SLC30A8: variants seen among roughly 807,000 people sequenced by gnomAD.
The protein encoded by SLC30A8 is solute carrier family 30 member 8.
A neutral mutation model predicts 36.9 loss-of-function variants in SLC30A8; 27 were observed. The ratio of observed to expected loss-of-function variants is 0.73; its 90% CI spans 0.54 to 1.01. SLC30A8 has a LOEUF of 1.01. Ranked by LOEUF, SLC30A8 falls within the 50% of genes least tolerant of loss-of-function variation. The pLI is 0.00. For synonymous variants in SLC30A8, 164 were observed against 172.4 expected, an observed-to-expected ratio of 0.95 and a Z score of 0.38; for missense variants, 439 against 452.0, an observed-to-expected ratio of 0.97 and a Z score of 0.26.
At chr8:117,108,147 A>C (rs543810942) in intron 2 of SLC30A8, among the ~76,000 whole-genome samples, 1 of 152,294 alleles carries the variant, frequency 6.6e-6, no homozygotes, top group East Asian at 1.9e-4. Flanking sequence ...AAAACATGTA[A>C]GATAATTATC....
At chr8:117,067,422 A>G (rs535379360) in intron 2 of SLC30A8, among the ~76,000 whole-genome samples, 2 of 151,822 alleles carry the variant, frequency 1.3e-5, no homozygotes, top group Middle Eastern at 3.2e-3. Flanking sequence ...TTTTGTTTCA[A>G]TCTCTGTGGC....
chr8:117,119,149 T>C (rs1407614737), intron 2 of SLC30A8, among the ~76,000 whole-genome samples: 2 of 151,892 alleles, frequency 1.3e-5, no homozygotes, highest in Non-Finnish European at 2.9e-5. Flanking sequence ...GCTCTACTAG[T>C]AGGCTAAGAG....
chr8:117,074,019 T>C, intron 2 of SLC30A8, among the ~76,000 whole-genome samples: 1 of 63,600 alleles, frequency 1.6e-5, no homozygotes, highest in South Asian at 4.9e-4. Flanking sequence ...CGTACTTGGT[T>C]AATTGGGGCG....
intron 2 of SLC30A8, among the ~76,000 whole-genome samples, chr8:117,151,657 T>C (rs1360515818): frequency 6.6e-6 from 1 of 152,230 alleles, no homozygotes; most frequent in African/African-American, 2.4e-5. Flanking sequence ...TTCCTTGATT[T>C]AGACTATATT....
intron 1 of SLC30A8, among the ~76,000 whole-genome samples, chr8:116,968,472 C>A (rs2130610474): frequency 6.6e-6 from 1 of 151,552 alleles, no homozygotes; most frequent in African/African-American, 2.4e-5. Flanking sequence ...CTGTTTTATT[C>A]ATGGCAGAGA....
At chr8:116,953,654 T>G (rs1301691708) in intron 1 of SLC30A8, among the ~76,000 whole-genome samples, 3 of 152,150 alleles carry the variant, frequency 2.0e-5, no homozygotes, top group East Asian at 1.9e-4. Flanking sequence ...TTTGCTTGCT[T>G]CTTATGAAAT....
At chr8:117,113,682 T>C (rs1820326268) in intron 2 of SLC30A8, among the ~76,000 whole-genome samples, 1 of 152,176 alleles carries the variant, frequency 6.6e-6, no homozygotes, top group South Asian at 2.1e-4. Context: ...GTTCTAGTGC[T>C]TCTTAGCTCT....
At chr8:116,981,294 T>C (rs1055583816) in intron 1 of SLC30A8, among the ~76,000 whole-genome samples, 2 of 152,348 alleles carry the variant, frequency 1.3e-5, no homozygotes, top group East Asian at 3.9e-4. Context: ...ATGACTTTTC[T>C]TGACCAAGGC....
At chr8:117,013,521 A>AAAAT (rs1367144861) in intron 1 of SLC30A8, among the ~76,000 whole-genome samples, 3 of 152,204 alleles carry the variant, frequency 2.0e-5, no homozygotes, top group African/African-American at 7.2e-5. Flanking sequence ...AGTAAAAAAG[A>AAAAT]AAATAAAATA....
intron 1 of SLC30A8, among the ~76,000 whole-genome samples, chr8:116,976,826 T>TTTCTTTCTTTTCTTTTCTTTTCTTTTC (rs1815042078): frequency 7.0e-6 from 1 of 141,952 alleles, no homozygotes; most frequent in African/African-American, 2.9e-5. Flanking sequence ...TTCTTTCTTT[T>TTTCTTTCTTTTCTTTTCTTTTCTTTTC]TTTTTTTTTT....
At chr8:116,958,358 T>G (rs1047020672) in intron 1 of SLC30A8, among the ~76,000 whole-genome samples, 1 of 151,786 alleles carries the variant, frequency 6.6e-6, no homozygotes, top group African/African-American at 2.4e-5. Context: ...TTTTTTGTAG[T>G]GCAGGTAAGC....
intron 1 of SLC30A8, among the ~76,000 whole-genome samples, chr8:117,022,385 T>C (rs1054440581): frequency 2.6e-5 from 4 of 152,088 alleles, no homozygotes; most frequent in Non-Finnish European, 5.9e-5. Flanking sequence ...TTAGGGATAA[T>C]ACATGCTGGA....
intron 1 of SLC30A8, among the ~76,000 whole-genome samples, chr8:116,975,576 A>G (rs983920733): frequency 6.6e-6 from 1 of 152,236 alleles, no homozygotes; most frequent in African/African-American, 2.4e-5. Flanking sequence ...GCAATGACGT[A>G]GAGGACAGAC....
intron 1 of SLC30A8, among the ~76,000 whole-genome samples, chr8:116,960,903 T>A (rs977167493): frequency 6.6e-6 from 1 of 152,192 alleles, no homozygotes; most frequent in Non-Finnish European, 1.5e-5. Context: ...CATGCTATTG[T>A]GACTTGCTTT....
chr8:117,014,760 C>T (rs951569432), intron 1 of SLC30A8, among the ~76,000 whole-genome samples: 1 of 152,142 alleles, frequency 6.6e-6, no homozygotes, highest in Non-Finnish European at 1.5e-5. Context: ...GATGCACCTA[C>T]TGCCTGTTGT....
At chr8:116,982,337 G>T (rs947803903) in intron 1 of SLC30A8, among the ~76,000 whole-genome samples, 1 of 150,542 alleles carries the variant, frequency 6.6e-6, no homozygotes, top group African/African-American at 2.5e-5. Context: ...TAACATTATT[G>T]TCCATAGATT....
At chr8:117,151,502 T>C (rs1212821452) in intron 2 of SLC30A8, among the ~76,000 whole-genome samples, 1 of 152,232 alleles carries the variant, frequency 6.6e-6, no homozygotes, top group Non-Finnish European at 1.5e-5. Flanking sequence ...ATGGCTCTTA[T>C]AAGTAGCTCT....
At chr8:117,054,920 T>A (rs896379875) in intron 2 of SLC30A8, among the ~76,000 whole-genome samples, 1 of 150,452 alleles carries the variant, frequency 6.6e-6, no homozygotes. Flanking sequence ...AAAATATGTA[T>A]TTTTTTTGAT....
intron 1 of SLC30A8, among the ~76,000 whole-genome samples, chr8:116,992,325 G>A (rs893735762): frequency 1.2e-4 from 18 of 152,072 alleles, no homozygotes; most frequent in African/African-American, 4.1e-4. Flanking sequence ...TAAAGCTTCC[G>A]CCAAGAATAA....
Sources: allele counts gnomAD v4.1 joint callset (sites outside exome capture counted in the v4.1 genomes callset), GRCh38; gene constraint gnomAD v4.1.1; transcripts MANE v1.5; gene names NCBI Gene and HGNC (gene_info 2026-07-23, HGNC 2026-07-21).